The following ADAMTS17 variants were observed in gnomAD, a reference collection of about 807,000 sequenced individuals.
ADAMTS17 encodes ADAM metallopeptidase with thrombospondin type 1 motif 17.
A neutral mutation model predicts 141.5 loss-of-function variants in ADAMTS17; 113 were observed. The ratio of observed to expected loss-of-function variants is 0.80; its 90% CI spans 0.69 to 0.93. ADAMTS17 has a LOEUF of 0.93. Ranked by LOEUF, ADAMTS17 falls within the 40% of genes least tolerant of loss-of-function variation. ADAMTS17 has a pLI of 0.00. For synonymous variants in ADAMTS17, 768 were observed against 630.6 expected, an observed-to-expected ratio of 1.22 and a Z score of -3.27; for missense variants, 1,659 against 1,517.9, an observed-to-expected ratio of 1.09 and a Z score of -1.54.
chr15:100,302,687 CCTT>C (rs1246856417), intron 3 of ADAMTS17, among the ~76,000 whole-genome samples: 1 of 152,150 alleles, frequency 6.6e-6, no homozygotes, highest in Non-Finnish European at 1.5e-5. Context: ...TATTTGTATA[CCTT>C]CTTTAGAGAA....
intron 3 of ADAMTS17, among the ~76,000 whole-genome samples, chr15:100,316,167 A>G (rs1247222636): frequency 6.6e-6 from 1 of 152,186 alleles, no homozygotes; most frequent in Admixed American, 6.5e-5. Context: ...AGCACTGTGC[A>G]TTGATGGAAT....
At position 100,341,961 on chromosome 15, in the gene ADAMTS17, G is replaced by T. The variant is rs886050985; in HGVS notation, c.-62C>A. 1 of 1,538,910 alleles carries T rather than the reference G, an allele frequency of 6.5e-7. No homozygotes were observed. On this transcript the variant is annotated 5_prime_UTR_variant, in exon 1 of 22. Coordinates refer to ENST00000268070, the MANE Select transcript of ADAMTS17 (RefSeq NM_139057.4). ...GCGAAGCAGGAGCGCGCTAGGCGGC[G>T]GCGCCAGCCGGAGTGAAGCCCTCCA... is the stretch of plus-strand genomic sequence containing the variant.
chr15:100,203,464 TG>T (rs2041416217), intron 7 of ADAMTS17, among the ~76,000 whole-genome samples: 1 of 152,194 alleles, frequency 6.6e-6, no homozygotes, highest in African/African-American at 2.4e-5. Context: ...CCCAGCACTT[TG>T]GGAGACCGAG....
chr15:100,185,594 A>G (rs575170172), intron 8 of ADAMTS17, among the ~76,000 whole-genome samples: 103 of 152,340 alleles, frequency 6.8e-4, no homozygotes, highest in African/African-American at 2.4e-3. Context: ...CATTGCTTCT[A>G]AAGAACTCTA....
rs1224679006 is a variant in ADAMTS17 at position 99,976,132 on chromosome 15, G to T, written c.3040C>A (p.Leu1014Ile). Residue 1014 changes from leucine to isoleucine, a missense_variant, in exon 21 of 22, where the codon CTC becomes ATC. Coordinates refer to ENST00000268070, the MANE Select transcript of ADAMTS17 (RefSeq NM_139057.4). ...TGRHGSECPALSKPAPYRQCY... is the reference protein window; with the variant it reads ...TGRHGSECPAISKPAPYRQCY... ...TGTCTGTAGGGGGCAGGCTTCGAGA[G>T]GGCGGGGCACTCGCTGCCGTGGCGC... The T allele has an allele frequency of 4.5e-6, 7 of 1,551,212 alleles. 1 individual carries two copies. In the South Asian group the frequency reaches 8.3e-5, roughly 18 times the overall value.
chr15:100,145,764 A>G (rs1418179813), intron 10 of ADAMTS17, among the ~76,000 whole-genome samples: 24 of 152,268 alleles, frequency 1.6e-4, no homozygotes. Flanking sequence ...TAAGCAATAT[A>G]TGAAGACATT....
At chr15:100,245,449 G>A (rs1486486331) in intron 7 of ADAMTS17, among the ~76,000 whole-genome samples, 2 of 152,242 alleles carry the variant, frequency 1.3e-5, no homozygotes, top group African/African-American at 4.8e-5. Context: ...TTCATGCACA[G>A]CCCTGTGTTT....
intron 15 of ADAMTS17, among the ~76,000 whole-genome samples, chr15:100,061,901 T>C (rs1159149576): frequency 6.6e-6 from 1 of 152,090 alleles, no homozygotes; most frequent in Non-Finnish European, 1.5e-5. Context: ...AATGCATGGG[T>C]TGGGAAGGGG....
chr15:100,170,764 A>G (rs1310465297), intron 8 of ADAMTS17, among the ~76,000 whole-genome samples: 1 of 152,202 alleles, frequency 6.6e-6, no homozygotes, highest in Admixed American at 6.5e-5. Flanking sequence ...AGATTTTTCC[A>G]ATTCCACCTA....
intron 18 of ADAMTS17, among the ~76,000 whole-genome samples, chr15:100,039,083 G>T (rs1372685653): frequency 1.3e-5 from 2 of 152,120 alleles, no homozygotes; most frequent in Non-Finnish European, 1.5e-5. Flanking sequence ...TTTCTGTAAG[G>T]TCAGTAGTCA....
intron 15 of ADAMTS17, among the ~76,000 whole-genome samples, chr15:100,056,957 G>A (rs539758229): frequency 6.6e-6 from 1 of 152,194 alleles, no homozygotes; most frequent in East Asian, 1.9e-4. Context: ...GGGCAGATGG[G>A]GAAGGCTTCC....
intron 3 of ADAMTS17, among the ~76,000 whole-genome samples, chr15:100,303,159 A>T (rs1489391341): frequency 1.4e-5 from 2 of 146,476 alleles, no homozygotes; most frequent in African/African-American, 5.0e-5. Flanking sequence ...AACTATATAT[A>T]AAAATATAAA....
intron 10 of ADAMTS17, among the ~76,000 whole-genome samples, chr15:100,152,151 G>A (rs533233660): frequency 6.6e-6 from 1 of 152,124 alleles, no homozygotes; most frequent in South Asian, 2.1e-4. Flanking sequence ...TTTATTACTT[G>A]TTAAATTTTC....
intron 4 of ADAMTS17, among the ~76,000 whole-genome samples, chr15:100,271,722 G>A (rs1332814083): frequency 1.3e-5 from 2 of 152,114 alleles, no homozygotes; most frequent in Non-Finnish European, 2.9e-5. Context: ...AGGCACAAGA[G>A]TTTTTAATTT....
chr15:100,285,705 A>C (rs2044424419), intron 3 of ADAMTS17, among the ~76,000 whole-genome samples: 1 of 152,204 alleles, frequency 6.6e-6, no homozygotes, highest in Non-Finnish European at 1.5e-5. Flanking sequence ...ACCCGCACGA[A>C]TGCTTGAGCC....
intron 8 of ADAMTS17, among the ~76,000 whole-genome samples, chr15:100,161,020 G>C (rs144984156): frequency 6.6e-6 from 1 of 152,224 alleles, no homozygotes; most frequent in African/African-American, 2.4e-5. Context: ...GTGGCATTAA[G>C]TATGCCCAGT....
At chr15:100,009,270 G>A (rs536807868) in intron 18 of ADAMTS17, among the ~76,000 whole-genome samples, 72 of 152,234 alleles carry the variant, frequency 4.7e-4, no homozygotes, top group African/African-American at 1.1e-3. Context: ...GACTGGCCTC[G>A]GGCTCCCCTA....
intron 15 of ADAMTS17, among the ~76,000 whole-genome samples, chr15:100,058,190 CTAT>C: frequency 1.5e-5 from 1 of 64,800 alleles, no homozygotes; most frequent in Non-Finnish European, 3.9e-5. Flanking sequence ...TCTAACACCC[CTAT>C]CCCAGCTCCA....
intron 18 of ADAMTS17, among the ~76,000 whole-genome samples, chr15:100,006,561 C>T (rs1016374340): frequency 3.3e-5 from 5 of 152,108 alleles, no homozygotes; most frequent in African/African-American, 7.2e-5. Context: ...CCTGGTAGGT[C>T]GTTATTTTCA....
Sources: allele counts gnomAD v4.1 joint callset (sites outside exome capture counted in the v4.1 genomes callset), GRCh38; gene constraint gnomAD v4.1.1; transcripts MANE v1.5; gene names NCBI Gene and HGNC (gene_info 2026-07-23, HGNC 2026-07-21).